PCGF3: variants seen among roughly 807,000 people sequenced by gnomAD.
PCGF3 encodes polycomb group RING finger protein 3.
Under a neutral mutation model 33.1 loss-of-function variants are expected in PCGF3, and 7 were observed. The ratio of observed to expected loss-of-function variants is 0.21; its 90% confidence interval spans 0.12 to 0.40. The LOEUF (loss-of-function observed/expected upper bound fraction) is 0.40. Among genes scored for constraint, PCGF3 ranks in the 10% least tolerant of loss-of-function variants. The probability of loss-of-function intolerance (pLI) is 1.00; values close to 1 mark genes in which losing one functional copy is unlikely to be tolerated. For missense variants in PCGF3, 211 were observed against 313.3 expected (o/e 0.67, Z 2.46); for synonymous variants, 153 against 121.3 (o/e 1.26, Z -1.72).
At chr4:757,715 T>C (rs2152614959) in intron 8 of PCGF3, 1 of 152,378 alleles carries the variant, frequency 6.6e-6, no homozygotes, top group African/African-American at 2.4e-5. Context: ...TTTATTTTGC[T>C]CTTTTCGTCA....
chr4:734,392 T>G (rs1743746780), intron 4 of PCGF3: 2 of 1,390,986 alleles, frequency 1.4e-6, no homozygotes, highest in Admixed American at 3.4e-5. Context: ...TTAAACAGGA[T>G]CTTTAAAATG....
At chr4:708,054 T>C (rs961709759) in intron 1 of PCGF3, among the ~76,000 whole-genome samples, 1 of 145,306 alleles carries the variant, frequency 6.9e-6, no homozygotes, top group African/African-American at 2.6e-5. Flanking sequence ...TGTTTTCACC[T>C]GGGGGCCGGG....
intron 10 of PCGF3, 66 bp from the exon 11 acceptor site, chr4:765,966 G>T: frequency 6.9e-7 from 1 of 1,447,280 alleles, no homozygotes. Context: ...CACCCTTCCC[G>T]ATGAAGTAGG....
In PCGF3 at chr4:766,047, C is replaced by T. The variant is rs1158666659; in HGVS notation, c.697C>T (p.Leu233=). The change falls in exon 11 of 11, where the codon CTG becomes TTG. Residue 233 remains leucine, a synonymous_variant. Coordinates refer to ENST00000362003, the Ensembl canonical transcript of PCGF3. Reference sequence around the variant, plus strand: ...TGTCTTCCAGAAGGCGCCGCTCCTGCTGCACTACAGACCCAAGATGGACTT... The same window carrying T: ...TGTCTTCCAGAAGGCGCCGCTCCTGTTGCACTACAGACCCAAGATGGACTT... The T allele has an allele frequency of 1.1e-5, 17 of 1,614,042 alleles. No homozygotes were observed. The South Asian group carries it at 1.5e-4, about 15-fold the overall frequency.
chr4:756,802 G>A (rs1373536652), intron 8 of PCGF3, among the ~76,000 whole-genome samples: 1 of 152,150 alleles, frequency 6.6e-6, no homozygotes, highest in Non-Finnish European at 1.5e-5. Flanking sequence ...CGCTCCCCCA[G>A]CAGGGTTAGA....
intron 1 of PCGF3, among the ~76,000 whole-genome samples, chr4:708,042 C>T (rs111828500): frequency 1.4e-4 from 11 of 78,678 alleles, no homozygotes; most frequent in South Asian, 5.3e-4. Flanking sequence ...CTGGGACAGC[C>T]CTGTTTTCAC....
chr4:719,699 G>A (rs1006176560), intron 1 of PCGF3, among the ~76,000 whole-genome samples: 15 of 152,216 alleles, frequency 9.9e-5, no homozygotes, highest in Admixed American at 2.6e-4. Context: ...GGTGCAGGGC[G>A]GTGCAGGCAG....
chr4:750,126 G>A (rs1013107116), intron 8 of PCGF3, among the ~76,000 whole-genome samples: 4 of 152,198 alleles, frequency 2.6e-5, no homozygotes, highest in Admixed American at 6.5e-5. Flanking sequence ...GCGCATTTCC[G>A]GCTGTGTTTC....
chr4:710,078 GTAT>G (rs1560193635), intron 1 of PCGF3, among the ~76,000 whole-genome samples: 1 of 152,194 alleles, frequency 6.6e-6, no homozygotes, highest in Non-Finnish European at 1.5e-5. Context: ...CTGAGTGGTT[GTAT>G]TATTTATATA....
chr4:714,453 C>T (rs28743077), intron 1 of PCGF3, among the ~76,000 whole-genome samples: 20,154 of 152,228 alleles, frequency 0.13, 1,472 homozygotes, highest in East Asian at 0.23. Flanking sequence ...GCCCCCACAC[C>T]GCTACAACCC....
chr4:752,916 C>T lies in PCGF3; in HGVS notation c.462+8228C>T, dbSNP rs373843284. 3.3e-5 allele frequency among the ~76,000 whole-genome samples: 5 copies of T among 152,380 alleles called. No individual in the cohort carries two copies. The South Asian group carries it at 1.0e-3, about 32-fold the overall frequency. On this transcript the variant is annotated intron_variant, in intron 8 of 10. Coordinates refer to ENST00000362003, the Ensembl canonical transcript of PCGF3. ...AGTGCCCTCCTGGTGCCCGTCTGTC[C>T]AGGGCTCTTCTGAACACGTCCCTGA...
intron 8 of PCGF3, among the ~76,000 whole-genome samples, chr4:752,221 CCTG>C (rs1744548586): frequency 6.6e-6 from 1 of 152,214 alleles, no homozygotes; most frequent in African/African-American, 2.4e-5. Flanking sequence ...TCCTGAGGTC[CCTG>C]GTCGTTCTTT....
chr4:765,564 G>A (rs1002022551), intron 10 of PCGF3, among the ~76,000 whole-genome samples: 2 of 152,246 alleles, frequency 1.3e-5, no homozygotes, highest in African/African-American at 4.8e-5. Context: ...AGGCCCTGGT[G>A]GGAAAGTGCT....
chr4:725,935 C>G (rs1434223530), intron 1 of PCGF3, among the ~76,000 whole-genome samples: 1 of 152,206 alleles, frequency 6.6e-6, no homozygotes, highest in Non-Finnish European at 1.5e-5. Flanking sequence ...CAGGGCCACT[C>G]TCCGCCAGGC....
At position 733,695 on chromosome 4, in the gene PCGF3, G is replaced by T. The variant is rs530546353; in HGVS notation, c.15G>T (p.Lys5Asn). The change falls in exon 4 of 11, where the codon AAG becomes AAT. Residue 5 changes from lysine to asparagine, a missense_variant. Physicochemically the swap from Lys to Asn is moderately conservative, Grantham distance 94. Coordinates refer to ENST00000362003, the Ensembl canonical transcript of PCGF3. ...AGAAGCCAAAGATGTTGACCAGGAAGATCAAGCTGTGGGACATCAACGCCC... is the reference window on the plus strand; with the variant it reads ...AGAAGCCAAAGATGTTGACCAGGAATATCAAGCTGTGGGACATCAACGCCC... 1.2e-5 allele frequency: 19 copies of T among 1,606,878 alleles called. No homozygotes were observed. The East Asian group carries it at 4.0e-4, about 34-fold the overall frequency.
intron 8 of PCGF3, 63 bp downstream of exon 8, chr4:744,751 C>T (rs1422469658): frequency 5.2e-5 from 20 of 386,690 alleles, no homozygotes; most frequent in African/African-American, 3.9e-4. Context: ...AGCAGGTGGG[C>T]GGGGCCCGGG....
At chr4:751,439 C>G (rs1318269678) in intron 8 of PCGF3, among the ~76,000 whole-genome samples, 3 of 152,138 alleles carry the variant, frequency 2.0e-5, no homozygotes, top group Non-Finnish European at 4.4e-5. Context: ...TGGATTTGTG[C>G]TTCGCCACGT....
chr4:710,496 C>T (rs1316774383), intron 1 of PCGF3, among the ~76,000 whole-genome samples: 3 of 152,232 alleles, frequency 2.0e-5, no homozygotes, highest in Non-Finnish European at 4.4e-5. Flanking sequence ...CCCAGCACAG[C>T]GGTGCTGTGA....
At position 733,551 on chromosome 4, in the gene PCGF3, C is replaced by G. The variant is rs139303143; in HGVS notation, c.-9-121C>G. ...CCTGGGACCCCGTGAGCCCAAGAGG[C>G]TCCTGCCACCCAGGCCTCAGGGCCT... On this transcript the variant is annotated intron_variant, in intron 3 of 10. Coordinates refer to ENST00000362003, the Ensembl canonical transcript of PCGF3. The G allele has an allele frequency of 8.6e-3, 8,470 of 980,990 alleles. 56 individuals carry two copies. Among genetic ancestry groups the G allele is most frequent in the Middle Eastern group, 0.021 (87 of 4,144 alleles). The allele number at this position is 980,990 out of a possible 1,614,324, so 60.8% of individuals were successfully genotyped here.
Sources: gnomAD v4.1 joint callset for allele counts (sites outside exome capture counted in the v4.1 genomes callset) on GRCh38, gnomAD v4.1.1 for gene constraint, MANE v1.5 for transcripts, NCBI Gene and HGNC (gene_info 2026-07-23, HGNC 2026-07-21) for gene names.